Variants in CTXND2 observed in about 807,000 individuals in gnomAD.
CTXND2 encodes cortexin domain containing 2.
chr1:150,905,130 GA>G (rs1399460751), intron 1 of CTXND2, among the ~76,000 whole-genome samples: 1 of 140,668 alleles, frequency 7.1e-6, no homozygotes, highest in Non-Finnish European at 1.5e-5. Flanking sequence ...GGAACTTGCA[GA>G]ATCTGCCAAT....
At chr1:150,900,086 G>T (rs895063272) in intron 1 of CTXND2, among the ~76,000 whole-genome samples, 1 of 152,140 alleles carries the variant, frequency 6.6e-6, no homozygotes, top group African/African-American at 2.4e-5. Context: ...GCCAGCAGCA[G>T]CAACCCGTTC....
At chr1:150,903,806 A>AG (rs1300734111) in intron 1 of CTXND2, 1 of 423,436 alleles carries the variant, frequency 2.4e-6, no homozygotes, top group Non-Finnish European at 4.5e-6. Flanking sequence ...GTCTCAAAAA[A>AG]AAAAAAAAAT....
intron 1 of CTXND2, among the ~76,000 whole-genome samples, chr1:150,908,323 A>C (rs1024361022): frequency 1.3e-5 from 2 of 152,130 alleles, no homozygotes; most frequent in African/African-American, 4.8e-5. Context: ...CTTATGTTTC[A>C]TAATTTTAGG....
At chr1:150,906,887 G>T (rs1016723994) in intron 1 of CTXND2, among the ~76,000 whole-genome samples, 5 of 152,114 alleles carry the variant, frequency 3.3e-5, no homozygotes, top group Non-Finnish European at 7.4e-5. Flanking sequence ...ATTTGAAGGG[G>T]TCTTCAATGA....
chr1:150,902,161 G>T (rs587630913), intron 1 of CTXND2, among the ~76,000 whole-genome samples: 1 of 151,976 alleles, frequency 6.6e-6, no homozygotes, highest in Non-Finnish European at 1.5e-5. Flanking sequence ...CAGCACTTTG[G>T]GGGGCAGAGG....
chr1:150,893,730 A>T (rs1056686733), intron 1 of CTXND2, among the ~76,000 whole-genome samples: 2 of 151,936 alleles, frequency 1.3e-5, no homozygotes, highest in African/African-American at 2.4e-5. Flanking sequence ...AAATGCTGGG[A>T]TTACAGGTAT....
At chr1:150,890,293 G>C (rs587602066) in intron 1 of CTXND2, among the ~76,000 whole-genome samples, 1 of 152,246 alleles carries the variant, frequency 6.6e-6, no homozygotes, top group South Asian at 2.1e-4. Context: ...ACAGTCCTAA[G>C]TAAAAAGTGA....
chr1:150,896,153 A>G (rs904164509), intron 1 of CTXND2, among the ~76,000 whole-genome samples: 3 of 152,178 alleles, frequency 2.0e-5, no homozygotes. Flanking sequence ...GGTAGGGGGA[A>G]TATGTGAGGT....
chr1:150,900,872 C>T (rs587681833), intron 1 of CTXND2, among the ~76,000 whole-genome samples: 1 of 152,292 alleles, frequency 6.6e-6, no homozygotes, highest in African/African-American at 2.4e-5. Flanking sequence ...TGGCTCACGC[C>T]TGTAATCCAA....
At chr1:150,904,111 CAAG>C in intron 1 of CTXND2, 1 of 663,148 alleles carries the variant, frequency 1.5e-6, no homozygotes. Context: ...TGGAAAATCC[CAAG>C]AAGTACATCC....
intron 1 of CTXND2, among the ~76,000 whole-genome samples, chr1:150,898,529 G>A (rs1432437075): frequency 1.3e-5 from 2 of 151,942 alleles, no homozygotes; most frequent in South Asian, 4.1e-4. Context: ...AGGTCAAGGC[G>A]GGCGGATCAC....
At chr1:150,909,124 G>C (rs974493676) in intron 1 of CTXND2, among the ~76,000 whole-genome samples, 1 of 151,028 alleles carries the variant, frequency 6.6e-6, no homozygotes, top group Non-Finnish European at 1.5e-5. Context: ...TATAATCCCA[G>C]CTACTCGGGA....
At chr1:150,893,978 T>C (rs1668884356) in intron 1 of CTXND2, among the ~76,000 whole-genome samples, 1 of 129,220 alleles carries the variant, frequency 7.7e-6, no homozygotes, top group Non-Finnish European at 1.7e-5. Context: ...TTAGTATCTT[T>C]TTTTTCTTTT....
intron 1 of CTXND2, among the ~76,000 whole-genome samples, chr1:150,892,253 T>C (rs1668860312): frequency 6.6e-6 from 1 of 152,222 alleles, no homozygotes; most frequent in African/African-American, 2.4e-5. Flanking sequence ...AGTTTTCCTT[T>C]TACATATAAC....
At chr1:150,898,754 C>CAAAA (rs34434799) in intron 1 of CTXND2, among the ~76,000 whole-genome samples, 3 of 81,208 alleles carry the variant, frequency 3.7e-5, no homozygotes, top group Admixed American at 1.6e-4. Context: ...GATTCTGACT[C>CAAAA]AAAAAAAAAA....
intron 1 of CTXND2, among the ~76,000 whole-genome samples, chr1:150,899,181 C>T (rs1350576602): frequency 6.6e-6 from 1 of 152,024 alleles, no homozygotes; most frequent in African/African-American, 2.4e-5. Flanking sequence ...TGGCTCACGC[C>T]TGTAATCCCA....
chr1:150,896,657 T>C (rs1386274609), intron 1 of CTXND2, among the ~76,000 whole-genome samples: 1 of 152,242 alleles, frequency 6.6e-6, no homozygotes, highest in African/African-American at 2.4e-5. Context: ...TCTTCTCCTG[T>C]CTTAATTCAG....
intron 1 of CTXND2, among the ~76,000 whole-genome samples, chr1:150,910,994 C>T (rs989648269): frequency 6.6e-6 from 1 of 152,026 alleles, no homozygotes; most frequent in South Asian, 2.1e-4. Context: ...TTAGTAGAGA[C>T]GGGGTTTTAC....
chr1:150,904,151 A>T, intron 1 of CTXND2: 1 of 651,678 alleles, frequency 1.5e-6, no homozygotes, highest in Non-Finnish European at 2.9e-6. Context: ...CTTTGCCGGC[A>T]TTAAAAAGAA....
Sources: allele counts gnomAD v4.1 joint callset (sites outside exome capture counted in the v4.1 genomes callset), GRCh38; gene constraint gnomAD v4.1.1; transcripts MANE v1.5; gene names NCBI Gene and HGNC (gene_info 2026-07-23, HGNC 2026-07-21).